Variants in RIN2 observed in about 807,000 individuals in gnomAD.
RIN2 encodes the protein Ras and Rab interactor 2.
RIN2 carries 36 observed loss-of-function variants against 78.0 expected under a neutral mutation model. The ratio of observed to expected loss-of-function variants is 0.46; its 90% CI spans 0.35 to 0.61. The LOEUF (loss-of-function observed/expected upper bound fraction) is 0.61, where lower values mean the gene tolerates loss of function less well. Ranked by LOEUF, RIN2 falls within the 20% of genes least tolerant of loss-of-function variation. The pLI is 0.00. For synonymous variants in RIN2, 466 were observed against 466.8 expected (o/e 1.00, Z 0.02); for missense variants, 1,087 against 1,159.7 (o/e 0.94, Z 0.91).
At chr20:19,956,470 G>A (rs2041543900) in intron 4 of RIN2, 145 bp from the exon 5 acceptor site, 5 of 688,766 alleles carry the variant, frequency 7.3e-6, no homozygotes, top group Non-Finnish European at 1.3e-5. Context: ...AAAGCTTTCA[G>A]TCTGGAAGAG....
At chr20:19,980,357 T>C (rs1359038941) in intron 9 of RIN2, among the ~76,000 whole-genome samples, 1 of 152,114 alleles carries the variant, frequency 6.6e-6, no homozygotes, top group Non-Finnish European at 1.5e-5. Flanking sequence ...CAAAATGGGG[T>C]CAATTATGTT....
At position 19,935,158 on chromosome 20, in the gene RIN2, T is replaced by C. The variant is rs1279329486; in HGVS notation, c.117T>C (p.Asp39=). 16 of 1,604,894 alleles carry C rather than the reference T, an allele frequency of 1.0e-5. No homozygotes were observed. The highest frequency in any genetic ancestry group is 1.3e-5 in the Non-Finnish European group (15 of 1,175,666). ...TGAAACAGGAGATGGTGCGGACAGA[T>C]GTCAACCTGGAAAATGGCCTGGAAC... The part of the protein sequence containing the change: ...GELKQEMVRT[D]VNLENGLEPA... Residue 39 remains aspartate (D), a synonymous_variant, in exon 4 of 13, where the codon GAT becomes GAC. Transcript: ENST00000255006.
chr20:19,914,830 T>C (rs894408261), intron 3 of RIN2, among the ~76,000 whole-genome samples: 1 of 152,242 alleles, frequency 6.6e-6, no homozygotes, highest in African/African-American at 2.4e-5. Context: ...GTCTTGTGAA[T>C]GTTATCCTGT....
chr20:19,768,929 T>TC (rs2034005465), intron 1 of RIN2, among the ~76,000 whole-genome samples: 1 of 151,096 alleles, frequency 6.6e-6, no homozygotes, highest in South Asian at 2.1e-4. Flanking sequence ...TTTCTTTTTT[T>TC]TTTTTTTTTT....
chr20:19,931,709 C>CTTTTTTTTTTTT (rs57734791), intron 3 of RIN2, among the ~76,000 whole-genome samples: 1 of 128,126 alleles, frequency 7.8e-6, no homozygotes, highest in African/African-American at 3.0e-5. Context: ...CTCGATTTGC[C>CTTTTTTTTTTTT]TTTTTTTTTT....
In RIN2 at chr20:19,904,240, A is replaced by AAT. The variant is rs1194516982; in HGVS notation, c.57+14602_57+14603dup. ...GAATGAGACTTCGTCTCAAAAAAAA[A>AAT]ATATATATATATATATATATAAAAT... On this transcript the variant is annotated intron_variant, in intron 3 of 12. Coordinates refer to ENST00000255006, the MANE Select transcript of RIN2 (RefSeq NM_018993.4). Among the ~76,000 whole-genome samples the AAT allele has an allele frequency of 2.4e-3, 223 of 91,686 alleles. 1 individual carries two copies. The highest frequency in any genetic ancestry group is 7.4e-3 in the South Asian group (23 of 3,108). The allele number at this position is 91,686 out of a possible 152,430, so 60.1% of individuals were successfully genotyped here. A position where few individuals can be genotyped will look rare whatever the true frequency, so the allele number is the denominator to read the frequency against.
At chr20:19,883,051 T>C (rs898639788) in intron 2 of RIN2, among the ~76,000 whole-genome samples, 2 of 152,174 alleles carry the variant, frequency 1.3e-5, no homozygotes, top group East Asian at 3.9e-4. Flanking sequence ...CCCCATCCAT[T>C]GTTCAAGGGT....
At chr20:19,914,176 T>C (rs1263905186) in intron 3 of RIN2, among the ~76,000 whole-genome samples, 3 of 152,214 alleles carry the variant, frequency 2.0e-5, no homozygotes, top group African/African-American at 7.2e-5. Flanking sequence ...TCAGGGTTAC[T>C]ACTGTCTTTA....
At chr20:19,786,503 T>C (rs948003102) in intron 1 of RIN2, among the ~76,000 whole-genome samples, 3 of 152,206 alleles carry the variant, frequency 2.0e-5, no homozygotes, top group African/African-American at 7.2e-5. Flanking sequence ...CTGCCTTTTG[T>C]TCCAGTTCCA....
intron 2 of RIN2, among the ~76,000 whole-genome samples, chr20:19,839,437 G>A (rs931705262): frequency 1.3e-5 from 2 of 152,122 alleles, no homozygotes; most frequent in African/African-American, 4.8e-5. Flanking sequence ...ATGAAGACAT[G>A]GAAACTCGAT....
chr20:19,760,758 C>G (rs1259743042), intron 1 of RIN2, among the ~76,000 whole-genome samples: 1 of 152,160 alleles, frequency 6.6e-6, no homozygotes, highest in African/African-American at 2.4e-5. Context: ...TGCCCAATTC[C>G]CCTTGTATAT....
chr20:19,856,079 A>C (rs1011759320), intron 2 of RIN2, among the ~76,000 whole-genome samples: 1 of 151,948 alleles, frequency 6.6e-6, no homozygotes, highest in Non-Finnish European at 1.5e-5. Context: ...TTCTAGAACA[A>C]AAAAAAAGAA....
chr20:19,967,478 T>TTGGA (rs2146287847), intron 7 of RIN2, among the ~76,000 whole-genome samples: 1 of 152,372 alleles, frequency 6.6e-6, no homozygotes, highest in South Asian at 2.1e-4. Context: ...AAGAAAGTGA[T>TTGGA]TGGATTATTG....
intron 3 of RIN2, among the ~76,000 whole-genome samples, chr20:19,909,844 C>T (rs921971620): frequency 1.3e-5 from 2 of 152,224 alleles, no homozygotes; most frequent in East Asian, 1.9e-4. Flanking sequence ...CAGAGGCACT[C>T]AGCAGGCAGC....
rs59276130 is a variant in RIN2 at position 19,886,489 on chromosome 20, C to T, written c.-36-3077C>T. Reference sequence around the variant, plus strand: ...GTCACTTCCTGCCTTTGTCCATTAGCGCCGACCAACGCGACCAGCTCCGTT... The same window carrying T: ...GTCACTTCCTGCCTTTGTCCATTAGTGCCGACCAACGCGACCAGCTCCGTT... On this transcript the variant is annotated intron_variant, in intron 2 of 12. Coordinates refer to ENST00000255006, the MANE Select transcript of RIN2 (RefSeq NM_018993.4). 2.9e-3 allele frequency: 1,577 copies of T among 543,644 alleles called. 29 individuals are homozygous for T. The highest frequency in any genetic ancestry group is 0.028 in the African/African-American group (1,443 of 51,770). 33.7% of individuals were successfully genotyped at this position (543,644 alleles called of 1,614,324 possible).
chr20:19,882,179 G>A (rs909897246), intron 2 of RIN2, among the ~76,000 whole-genome samples: 2 of 152,124 alleles, frequency 1.3e-5, no homozygotes, highest in South Asian at 2.1e-4. Flanking sequence ...AACAAGTGAC[G>A]GAAGCATCAG....
At position 19,908,446 on chromosome 20, in the gene RIN2, G is replaced by C. The variant is rs8124016; in HGVS notation, c.57+18788G>C. Among the ~76,000 whole-genome samples, 5 of 147,766 alleles carry C rather than the reference G, an allele frequency of 3.4e-5. No individual in the cohort carries two copies. The South Asian group carries it at 6.4e-4, about 19-fold the overall frequency. Reference sequence around the variant, plus strand: ...GCGGAGCGTGCATTGAGCTGAGATCGCACCACTGCACTCCGGCCTGGGCCA... The same window carrying C: ...GCGGAGCGTGCATTGAGCTGAGATCCCACCACTGCACTCCGGCCTGGGCCA... On this transcript the variant is annotated intron_variant, in intron 3 of 12. Coordinates refer to ENST00000255006, the MANE Select transcript of RIN2 (RefSeq NM_018993.4).
chr20:19,949,862 T>C (rs2041245010), intron 4 of RIN2, among the ~76,000 whole-genome samples: 1 of 152,178 alleles, frequency 6.6e-6, no homozygotes, highest in East Asian at 1.9e-4. Flanking sequence ...CTGCTCTGTG[T>C]CGATGGTTTC....
intron 3 of RIN2, among the ~76,000 whole-genome samples, chr20:19,927,939 G>A (rs979310247): frequency 1.3e-5 from 2 of 152,126 alleles, no homozygotes; most frequent in Admixed American, 6.5e-5. Context: ...GTCTCACTCT[G>A]TAGCCCAGGC....
Sources: gnomAD v4.1 joint callset for allele counts (sites outside exome capture counted in the v4.1 genomes callset) on GRCh38, gnomAD v4.1.1 for gene constraint, MANE v1.5 for transcripts, NCBI Gene and HGNC (gene_info 2026-07-23, HGNC 2026-07-21) for gene names.